Variants in CNTN4 observed in about 807,000 individuals in gnomAD.
CNTN4 encodes the protein contactin 4, also known as contactin-4.
A neutral mutation model predicts 122.5 loss-of-function variants in CNTN4; 77 were observed. That is an observed-to-expected ratio of 0.63 (90% confidence interval 0.52 to 0.76). The LOEUF (loss-of-function observed/expected upper bound fraction) is 0.76, where lower values mean the gene tolerates loss of function less well. Among genes scored for constraint, CNTN4 ranks in the 30% least tolerant of loss-of-function variants. CNTN4 has a pLI of 0.00. For synonymous variants in CNTN4, 512 were observed against 447.0 expected, an observed-to-expected ratio of 1.15 and a Z score of -1.83; for missense variants, 1,256 against 1,259.1, an observed-to-expected ratio of 1.00 and a Z score of 0.04.
At chr3:2,264,795 A>T (rs2040975203) in intron 2 of CNTN4, among the ~76,000 whole-genome samples, 1 of 152,016 alleles carries the variant, frequency 6.6e-6, no homozygotes, top group Non-Finnish European at 1.5e-5. Flanking sequence ...TTAATTTTTT[A>T]TATGGTGAAA....
At chr3:2,986,193 G>A (rs1472215023) in intron 13 of CNTN4, among the ~76,000 whole-genome samples, 1 of 152,152 alleles carries the variant, frequency 6.6e-6, no homozygotes, top group East Asian at 1.9e-4. Context: ...AGAATTACAG[G>A]CATGAGCCGC....
intron 4 of CNTN4, among the ~76,000 whole-genome samples, chr3:2,621,415 T>G (rs750588851): frequency 3.1e-4 from 47 of 151,940 alleles, no homozygotes; most frequent in Non-Finnish European, 5.6e-4. Context: ...CCACATGTTC[T>G]CACTCATAAG....
intron 7 of CNTN4, among the ~76,000 whole-genome samples, chr3:2,833,814 T>A (rs1479540640): frequency 6.6e-6 from 1 of 152,206 alleles, no homozygotes; most frequent in Non-Finnish European, 1.5e-5. Flanking sequence ...TATATTCTGT[T>A]ATGTTTGTGT....
intron 15 of CNTN4, among the ~76,000 whole-genome samples, chr3:3,026,723 C>T (rs566919078): frequency 2.0e-5 from 3 of 152,138 alleles, no homozygotes; most frequent in Admixed American, 2.0e-4. Context: ...GTAGAAGGCA[C>T]GTCATTGTGA....
At chr3:2,896,322 G>A (rs76122750) in intron 10 of CNTN4, among the ~76,000 whole-genome samples, 15,930 of 152,054 alleles carry the variant, frequency 0.1, 1,379 homozygotes, top group African/African-American at 0.24. Flanking sequence ...TTGAGAATTT[G>A]AATGAATGTA....
chr3:2,428,595 A>G (rs1039613718), intron 3 of CNTN4, among the ~76,000 whole-genome samples: 1 of 151,952 alleles, frequency 6.6e-6, no homozygotes, highest in Admixed American at 6.6e-5. Context: ...CATTCTCTGT[A>G]TTTCCTGAAT....
intron 2 of CNTN4, among the ~76,000 whole-genome samples, chr3:2,301,186 A>G (rs1366033402): frequency 6.6e-6 from 1 of 152,248 alleles, no homozygotes; most frequent in Non-Finnish European, 1.5e-5. Context: ...ATGCACTGTT[A>G]GTATCCATTA....
chr3:2,129,330 A>G lies in CNTN4; in HGVS notation c.-145+28691A>G, dbSNP rs140301702. ...CTTCCCATGGGCATTGGGTGCAGCT[A>G]TTTGTAATGAGAAACAAAATAACTG... is the stretch of plus-strand genomic sequence containing the variant. On this transcript the variant is annotated intron_variant, in intron 2 of 24. Coordinates refer to ENST00000418658, the MANE Select transcript of CNTN4 (RefSeq NM_175607.3). Among the ~76,000 whole-genome samples, 659 of 151,168 alleles carry G rather than the reference A, an allele frequency of 4.4e-3. 18 individuals are homozygous for G. The highest frequency in any genetic ancestry group is 0.032 in the East Asian group (162 of 5,074).
At chr3:2,439,000 G>T (rs1443840539) in intron 3 of CNTN4, among the ~76,000 whole-genome samples, 1 of 152,212 alleles carries the variant, frequency 6.6e-6, no homozygotes. Flanking sequence ...GTCCAGGCTA[G>T]ACTGTGGCCA....
intron 2 of CNTN4, among the ~76,000 whole-genome samples, chr3:2,323,266 C>T (rs542017676): frequency 6.6e-6 from 1 of 152,036 alleles, no homozygotes; most frequent in Non-Finnish European, 1.5e-5. Flanking sequence ...TTAGTCTGTC[C>T]CTGGAGCACA....
chr3:3,019,787 T>TATATATATATATATACACATGC (rs1698122494), intron 14 of CNTN4, among the ~76,000 whole-genome samples: 1 of 105,434 alleles, frequency 9.5e-6, no homozygotes, highest in African/African-American at 4.0e-5. Context: ...TATATATATA[T>TATATATATATATATACACATGC]ATATATATAT....
At chr3:2,570,704 A>G (rs1023375921) in intron 3 of CNTN4, among the ~76,000 whole-genome samples, 1 of 152,036 alleles carries the variant, frequency 6.6e-6, no homozygotes, top group African/African-American at 2.4e-5. Flanking sequence ...TCAGTTACTC[A>G]CTTTGTAGCT....
intron 2 of CNTN4, among the ~76,000 whole-genome samples, chr3:2,144,497 C>G (rs982396908): frequency 1.3e-5 from 2 of 152,130 alleles, no homozygotes; most frequent in Non-Finnish European, 2.9e-5. Flanking sequence ...AATCATCAAC[C>G]TTGGCTGGAC....
Position 2,315,152 on chromosome 3 carries a change from C to T in CNTN4, c.-144-24026C>T, listed in dbSNP as rs181298828. 3.3e-3 allele frequency among the ~76,000 whole-genome samples: 501 copies of T among 152,002 alleles called. 4 individuals are homozygous for T. Among genetic ancestry groups the T allele is most frequent in the Middle Eastern group, 0.014 (4 of 294 alleles). On this transcript the variant is annotated intron_variant, in intron 2 of 24. Transcript: ENST00000418658. ...CAGAATTAAAAGAATTAGCTATGAACAGCTATGTAGAAGGAATTTGAAAGT... is the reference window on the plus strand; with the variant it reads ...CAGAATTAAAAGAATTAGCTATGAATAGCTATGTAGAAGGAATTTGAAAGT...
intron 3 of CNTN4, among the ~76,000 whole-genome samples, chr3:2,395,712 G>T (rs896557356): frequency 6.6e-6 from 1 of 152,040 alleles, no homozygotes; most frequent in African/African-American, 2.4e-5. Context: ...TGGTTTTTCT[G>T]TTCCTGAGTT....
intron 3 of CNTN4, among the ~76,000 whole-genome samples, chr3:2,401,482 T>A (rs1008411244): frequency 6.6e-6 from 1 of 152,164 alleles, no homozygotes; most frequent in African/African-American, 2.4e-5. Context: ...AAAATAGAGT[T>A]TTCACTTTAT....
At position 2,100,633 on chromosome 3, in the gene CNTN4, G is replaced by T. The variant is rs1245712918; in HGVS notation, c.-151G>T. Reference sequence around the variant, plus strand: ...GGGTGGCATTCATGAGAAAATTCACGTTACCCGTAAGTTTATTCTTGCTAT... The same window carrying T: ...GGGTGGCATTCATGAGAAAATTCACTTTACCCGTAAGTTTATTCTTGCTAT... On this transcript the variant is annotated 5_prime_UTR_variant, in exon 2 of 25. Coordinates refer to ENST00000418658, the MANE Select transcript of CNTN4 (RefSeq NM_175607.3). 6.6e-6 allele frequency: 1 copy of T among 152,162 alleles called. No individual in the cohort carries two copies. The highest frequency in any genetic ancestry group is 1.5e-5 in the Non-Finnish European group (1 of 68,044). The allele number at this position is 152,162 out of a possible 1,614,324, so 9.4% of individuals were successfully genotyped here.
intron 2 of CNTN4, among the ~76,000 whole-genome samples, chr3:2,177,666 GTGTGTGT>G (rs2036816280): frequency 6.7e-6 from 1 of 148,270 alleles, no homozygotes. Context: ...TTGTGTGTGT[GTGTGTGT>G]GTGTGTGTGT....
intron 10 of CNTN4, among the ~76,000 whole-genome samples, chr3:2,897,554 C>A (rs147088761): frequency 6.6e-6 from 1 of 152,128 alleles, no homozygotes; most frequent in Non-Finnish European, 1.5e-5. Context: ...ATGCTTGGGA[C>A]CAGAAGTGTT....
Sources: allele counts gnomAD v4.1 joint callset (sites outside exome capture counted in the v4.1 genomes callset), GRCh38; gene constraint gnomAD v4.1.1; transcripts MANE v1.5; gene names NCBI Gene and HGNC (gene_info 2026-07-23, HGNC 2026-07-21).